Variants in ZNF827 observed in about 807,000 individuals in gnomAD.
The protein encoded by ZNF827 is zinc finger protein 827.
ZNF827 carries 13 observed loss-of-function variants against 102.4 expected under a neutral mutation model. That is an observed-to-expected ratio of 0.13 (90% CI 0.08 to 0.20). ZNF827 has a LOEUF of 0.20. Ranked by LOEUF, ZNF827 falls within the 10% of genes least tolerant of loss-of-function variation. ZNF827 has a pLI of 1.00. For synonymous variants in ZNF827, 523 were observed against 536.2 expected, an observed-to-expected ratio of 0.98 and a Z score of 0.34; for missense variants, 1,103 against 1,344.4, an observed-to-expected ratio of 0.82 and a Z score of 2.81.
chr4:145,825,202 C>T (rs560424030), intron 7 of ZNF827, among the ~76,000 whole-genome samples: 1 of 152,134 alleles, frequency 6.6e-6, no homozygotes, highest in Non-Finnish European at 1.5e-5. Context: ...CCACCATGGG[C>T]GGGATGGACA....
intron 7 of ZNF827, among the ~76,000 whole-genome samples, chr4:145,837,080 G>A (rs1458430017): frequency 3.0e-4 from 43 of 140,984 alleles, no homozygotes; most frequent in Non-Finnish European, 3.4e-4. Context: ...GAAGGCCACC[G>A]CAGTCATTTC....
At chr4:145,828,607 G>A (rs1229981884) in intron 7 of ZNF827, among the ~76,000 whole-genome samples, 1 of 152,156 alleles carries the variant, frequency 6.6e-6, no homozygotes, top group Non-Finnish European at 1.5e-5. Context: ...TAATTTCCCT[G>A]GGTTTTGAAA....
intron 7 of ZNF827, among the ~76,000 whole-genome samples, chr4:145,837,729 C>T (rs56372131): frequency 0.036 from 5,542 of 152,258 alleles, 153 homozygotes; most frequent in Non-Finnish European, 0.052. Context: ...TGAGTCATCC[C>T]AATTCTTAGA....
intron 4 of ZNF827, among the ~76,000 whole-genome samples, chr4:145,872,799 C>G (rs937035039): frequency 6.6e-6 from 1 of 151,532 alleles, no homozygotes; most frequent in Non-Finnish European, 1.5e-5. Context: ...CGCTTGAACC[C>G]AGGAGGCAGA....
intron 7 of ZNF827, among the ~76,000 whole-genome samples, chr4:145,844,399 G>A (rs537045604): frequency 5.3e-5 from 8 of 151,640 alleles, no homozygotes; most frequent in African/African-American, 1.9e-4. Flanking sequence ...CCCAGTGTGA[G>A]CGAATCACGG....
chr4:145,917,947 C>T (rs1187559939), intron 1 of ZNF827, among the ~76,000 whole-genome samples: 1 of 152,164 alleles, frequency 6.6e-6, no homozygotes, highest in East Asian at 1.9e-4. Flanking sequence ...GCTTATCCTC[C>T]ACCCAAAACT....
At chr4:145,858,978 A>T (rs1747445458) in intron 5 of ZNF827, among the ~76,000 whole-genome samples, 1 of 152,216 alleles carries the variant, frequency 6.6e-6, no homozygotes, top group African/African-American at 2.4e-5. Flanking sequence ...ACTAGTAGAT[A>T]CTAGTAATAT....
intron 1 of ZNF827, among the ~76,000 whole-genome samples, chr4:145,917,816 G>A (rs1192308182): frequency 1.3e-5 from 2 of 151,136 alleles, no homozygotes; most frequent in African/African-American, 4.9e-5. Context: ...TGACCTTTTG[G>A]GTGACTGTTA....
At chr4:145,882,306 AAAATTCATTTTTCT>A (rs1749735372) in intron 4 of ZNF827, among the ~76,000 whole-genome samples, 1 of 152,144 alleles carries the variant, frequency 6.6e-6, no homozygotes, top group African/African-American at 2.4e-5. Context: ...TGAAATCTAC[AAAATTCATTTTTCT>A]GTCAGCCCTG....
chr4:145,842,657 G>C (rs1404020061), intron 7 of ZNF827, among the ~76,000 whole-genome samples: 1 of 152,192 alleles, frequency 6.6e-6, no homozygotes, highest in Non-Finnish European at 1.5e-5. Context: ...CAGATCCTAG[G>C]ATCAGGAGAT....
intron 1 of ZNF827, among the ~76,000 whole-genome samples, chr4:145,908,154 A>C (rs1428615705): frequency 6.6e-6 from 1 of 152,224 alleles, no homozygotes; most frequent in East Asian, 1.9e-4. Context: ...TTGTGAGTGC[A>C]CAGTGAAAAA....
At chr4:145,936,052 A>T (rs1163127098) in intron 1 of ZNF827, among the ~76,000 whole-genome samples, 2 of 152,060 alleles carry the variant, frequency 1.3e-5, no homozygotes, top group Non-Finnish European at 2.9e-5. Flanking sequence ...GTTTTCGCAC[A>T]CAAGCTCATC....
At chr4:145,779,574 A>T (rs1737647581) in intron 8 of ZNF827, 63 bp from the exon 9 acceptor site, 8 of 1,573,600 alleles carry the variant, frequency 5.1e-6, no homozygotes, top group African/African-American at 2.7e-5. Flanking sequence ...TCTGTTAGTC[A>T]ACATTCAGGA....
intron 8 of ZNF827, among the ~76,000 whole-genome samples, chr4:145,801,315 G>C (rs972796429): frequency 3.3e-5 from 5 of 152,166 alleles, no homozygotes; most frequent in Non-Finnish European, 5.9e-5. Flanking sequence ...CAGATATTCA[G>C]ATATTATATA....
chr4:145,764,860 T>C, intron 13 of ZNF827, 128 bp downstream of exon 13: 2 of 1,300,320 alleles, frequency 1.5e-6, no homozygotes, highest in Non-Finnish European at 2.2e-6. Context: ...GGTTCCTGAC[T>C]AACTCCTCTC....
chr4:145,834,924 C>A (rs1037416496), intron 7 of ZNF827: 1 of 152,128 alleles, frequency 6.6e-6, no homozygotes, highest in Non-Finnish European at 1.5e-5. Context: ...TGAGACAAAC[C>A]CCAGCCACAT....
Position 145,775,799 on chromosome 4 carries a change from A to G in ZNF827, c.2683T>C (p.Tyr895His). The G allele has an allele frequency of 6.2e-7, 1 of 1,614,102 alleles. No individual in the cohort carries two copies. The highest frequency in any genetic ancestry group is 8.5e-7 in the Non-Finnish European group (1 of 1,179,996). ...SEGSDGKKHP[Y>H]YYSCHVCGFE... is the part of the protein sequence containing the mutation. ...CCATCTGCAACTCACCTGTAATAAT[A>G]AGGATGTTTCTTCCCATCACTGCCT... The change falls in exon 10 of 15, where the codon TAT (tyrosine) becomes CAT (histidine). Residue 895 changes from tyrosine to histidine, a missense_variant. By Grantham distance (83) the Tyr-to-His change is moderately conservative. Transcript: ENST00000508784.
intron 8 of ZNF827, among the ~76,000 whole-genome samples, chr4:145,810,967 C>T (rs1007189350): frequency 4.6e-5 from 7 of 150,610 alleles, no homozygotes; most frequent in African/African-American, 1.7e-4. Context: ...TGTTATACTT[C>T]TCTGCAACCA....
chr4:145,900,056 C>T (rs961789714), intron 2 of ZNF827, among the ~76,000 whole-genome samples: 3 of 152,190 alleles, frequency 2.0e-5, no homozygotes, highest in African/African-American at 7.2e-5. Context: ...TAGCTTTTCC[C>T]TTGGGTGTAT....
Sources: gnomAD v4.1 joint callset for allele counts (sites outside exome capture counted in the v4.1 genomes callset) on GRCh38, gnomAD v4.1.1 for gene constraint, MANE v1.5 for transcripts, NCBI Gene and HGNC (gene_info 2026-07-23, HGNC 2026-07-21) for gene names.